PCCA: variants seen among roughly 807,000 people sequenced by gnomAD.
The protein encoded by PCCA is propionyl-CoA carboxylase alpha chain, mitochondrial.
Under a neutral mutation model 101.3 loss-of-function variants are expected in PCCA, and 74 were observed. The observed-to-expected ratio is 0.73, with a 90% CI of 0.61 to 0.89. PCCA has a LOEUF of 0.89. Among genes scored for constraint, PCCA ranks in the 40% least tolerant of loss-of-function variants. PCCA has a pLI of 0.00. For synonymous variants in PCCA, 294 were observed against 313.6 expected, an observed-to-expected ratio of 0.94 and a Z score of 0.66; for missense variants, 891 against 907.0, an observed-to-expected ratio of 0.98 and a Z score of 0.23.
chr13:100,237,789 G>C (rs1263342576), intron 8 of PCCA, among the ~76,000 whole-genome samples: 1 of 151,848 alleles, frequency 6.6e-6, no homozygotes, highest in African/African-American at 2.4e-5. Flanking sequence ...GGAAATAAAG[G>C]GATTAGAAGA....
At chr13:100,237,770 G>T (rs1594869835) in intron 8 of PCCA, among the ~76,000 whole-genome samples, 2 of 151,906 alleles carry the variant, frequency 1.3e-5, no homozygotes, top group Admixed American at 6.6e-5. Flanking sequence ...AATATTTAGA[G>T]AAATTTAGGG....
At chr13:100,419,978 T>C in intron 19 of PCCA, among the ~76,000 whole-genome samples, 1 of 152,254 alleles carries the variant, frequency 6.6e-6, no homozygotes, top group Non-Finnish European at 1.5e-5. Context: ...TGTCTTTGGA[T>C]AGTTTATGAA....
chr13:100,453,471 C>G (rs1433788618), intron 21 of PCCA, among the ~76,000 whole-genome samples: 1 of 97,430 alleles, frequency 1.0e-5, no homozygotes, highest in Non-Finnish European at 1.8e-5. Context: ...CCACTACACT[C>G]TAGTTTAAAA....
chr13:100,515,351 G>T, intron 21 of PCCA, 76 bp from the exon 22 acceptor site: 1 of 1,345,336 alleles, frequency 7.4e-7, no homozygotes. Flanking sequence ...GCTAAAAATT[G>T]ATTTAGAATG....
At chr13:100,499,865 G>A (rs1417034476) in intron 21 of PCCA, among the ~76,000 whole-genome samples, 1 of 151,728 alleles carries the variant, frequency 6.6e-6, no homozygotes, top group Admixed American at 6.6e-5. Context: ...TAATTCACAG[G>A]TTGCTTGAGA....
At chr13:100,341,967 A>ATATATATATATATATATATG (rs1397103210) in intron 18 of PCCA, among the ~76,000 whole-genome samples, 1 of 109,970 alleles carries the variant, frequency 9.1e-6, no homozygotes, top group African/African-American at 3.5e-5. Context: ...GTATATATAT[A>ATATATATATATATATATATG]TATATATATA....
intron 4 of PCCA, among the ~76,000 whole-genome samples, chr13:100,128,776 C>G (rs754649927): frequency 6.6e-6 from 1 of 152,154 alleles, no homozygotes; most frequent in African/African-American, 2.4e-5. Flanking sequence ...TTTTCAGACA[C>G]TCTCATCCTC....
At chr13:100,446,157 G>A (rs975993325) in intron 20 of PCCA, among the ~76,000 whole-genome samples, 72 of 151,916 alleles carry the variant, frequency 4.7e-4, no homozygotes, top group African/African-American at 1.7e-3. Context: ...CCTGCCTCAG[G>A]CTCCTGAGTA....
At chr13:100,157,708 A>G (rs985184710) in intron 6 of PCCA, among the ~76,000 whole-genome samples, 6 of 152,180 alleles carry the variant, frequency 3.9e-5, no homozygotes, top group Non-Finnish European at 5.9e-5. Flanking sequence ...AATCTTACCA[A>G]TGCCTCTATT....
chr13:100,089,792 A>G (rs1172729578), intron 1 of PCCA, among the ~76,000 whole-genome samples: 1 of 152,186 alleles, frequency 6.6e-6, no homozygotes, highest in Admixed American at 6.5e-5. Context: ...CTGTGTACCA[A>G]ATGCATCCCG....
Position 100,530,310 on chromosome 13 carries a change from T to A in PCCA, c.*144T>A. ...ATTTATTCCACAGAGTCAAGACCAA[T>A]ATTCTGCCAAAAAATCACCAATGGA... On this transcript the variant is annotated 3_prime_UTR_variant, in exon 24 of 24. Coordinates refer to ENST00000376285, the MANE Select transcript of PCCA (RefSeq NM_000282.4). 2 of 720,630 alleles carry A rather than the reference T, an allele frequency of 2.8e-6. No homozygotes were observed. The highest frequency in any genetic ancestry group is 2.1e-5 in the Admixed American group (1 of 47,676). 44.6% of individuals were successfully genotyped at this position (720,630 alleles called of 1,614,324 possible).
intron 6 of PCCA, among the ~76,000 whole-genome samples, chr13:100,181,881 C>T (rs1476004354): frequency 1.4e-5 from 2 of 145,984 alleles, no homozygotes; most frequent in African/African-American, 5.1e-5. Flanking sequence ...TCTCCTGCCT[C>T]AGCCTCCTGA....
intron 21 of PCCA, among the ~76,000 whole-genome samples, chr13:100,464,865 G>A (rs2082398496): frequency 6.6e-6 from 1 of 152,166 alleles, no homozygotes; most frequent in Admixed American, 6.5e-5. Context: ...AAACCATTCT[G>A]ATATAGGACA....
chr13:100,310,929 G>A (rs756391554), intron 16 of PCCA, among the ~76,000 whole-genome samples: 1 of 152,004 alleles, frequency 6.6e-6, no homozygotes, highest in Non-Finnish European at 1.5e-5. Context: ...CTGTCCTGAC[G>A]CCATTTAATA....
At chr13:100,158,912 G>A (rs988032289) in intron 6 of PCCA, among the ~76,000 whole-genome samples, 1 of 151,792 alleles carries the variant, frequency 6.6e-6, no homozygotes. Flanking sequence ...AAAAGTTTGG[G>A]AACTCCTGCT....
rs890884152 is a variant in PCCA, at chr13:100,527,862, C to G, written c.2118+110C>G. 18 of 815,934 alleles carry G rather than the reference C, an allele frequency of 2.2e-5. No individual in the cohort carries two copies. In the Middle Eastern group the frequency reaches 1.2e-3, roughly 55 times the overall value. 50.5% of individuals were successfully genotyped at this position (815,934 alleles called of 1,614,324 possible). ...AGGGCCACAGAGGCGCCCTCTCCCC[C>G]TCGCTTCTACAGAGGAGGACGTTAG... On this transcript the variant is annotated intron_variant, in intron 23 of 23. Coordinates refer to ENST00000376285, the MANE Select transcript of PCCA (RefSeq NM_000282.4).
chr13:100,112,129 C>G (rs1324052148), intron 4 of PCCA, 68 bp downstream of exon 4: 2 of 1,121,942 alleles, frequency 1.8e-6, no homozygotes, highest in Non-Finnish European at 2.7e-6. Context: ...GTGAGACATA[C>G]AGGCTTTTTT....
At chr13:100,333,343 G>A (rs1015211765) in intron 17 of PCCA, among the ~76,000 whole-genome samples, 1 of 152,210 alleles carries the variant, frequency 6.6e-6, no homozygotes, top group Non-Finnish European at 1.5e-5. Context: ...CCCCTTTGGG[G>A]TTTCCCATCT....
intron 6 of PCCA, among the ~76,000 whole-genome samples, chr13:100,177,467 A>G (rs571423538): frequency 6.6e-6 from 1 of 152,310 alleles, no homozygotes; most frequent in Non-Finnish European, 1.5e-5. Flanking sequence ...GCAATGTAGA[A>G]TTCATGTTTC....
Sources: allele counts gnomAD v4.1 joint callset (sites outside exome capture counted in the v4.1 genomes callset), GRCh38; gene constraint gnomAD v4.1.1; transcripts MANE v1.5; gene names NCBI Gene and HGNC (gene_info 2026-07-23, HGNC 2026-07-21).